The following ITGAV variants were observed in gnomAD, a reference collection of about 807,000 sequenced individuals.
ITGAV encodes integrin subunit alpha V.
In ITGAV, 76 loss-of-function variants were observed where a neutral mutation model predicts 143.8. That is an observed-to-expected ratio of 0.53 (90% CI 0.44 to 0.64). The LOEUF (loss-of-function observed/expected upper bound fraction) is 0.64. ITGAV is among the 30% of genes least tolerant of loss of function. ITGAV has a pLI of 0.00. For missense variants in ITGAV, 1,193 were observed against 1,274.7 expected, an observed-to-expected ratio of 0.94 and a Z score of 0.98; for synonymous variants, 453 against 446.7, an observed-to-expected ratio of 1.01 and a Z score of -0.18.
intron 11 of ITGAV, 101 bp from the exon 12 acceptor site, chr2:186,641,285 A>T: frequency 1.2e-6 from 1 of 849,610 alleles, no homozygotes; most frequent in Non-Finnish European, 1.9e-6. Context: ...TGTGGGTGTG[A>T]GAGATGCAGA....
In ITGAV at chr2:186,602,384, G is replaced by A. The variant is rs190816668; in HGVS notation, c.316+233G>A. 3.9e-5 allele frequency among the ~76,000 whole-genome samples: 6 copies of A among 152,214 alleles called. No individual in the cohort carries two copies. In the East Asian group the frequency reaches 5.8e-4, roughly 15 times the overall value. On this transcript the variant is annotated intron_variant, in intron 2 of 29. Coordinates refer to ENST00000261023, the MANE Select transcript of ITGAV (RefSeq NM_002210.5). The stretch of plus-strand genomic sequence containing the variant: ...TCCATTGGTTCAGATGTCTTCTGCC[G>A]TAAACTGATAATATCAACCCACAGA...
intron 14 of ITGAV, among the ~76,000 whole-genome samples, chr2:186,650,209 C>G (rs1260050385): frequency 6.6e-6 from 1 of 152,122 alleles, no homozygotes; most frequent in Non-Finnish European, 1.5e-5. Flanking sequence ...AGCCTCTCTT[C>G]TAGTTATTTT....
intron 2 of ITGAV, among the ~76,000 whole-genome samples, chr2:186,621,047 A>T (rs190433857): frequency 3.3e-5 from 5 of 152,194 alleles, no homozygotes; most frequent in Non-Finnish European, 7.4e-5. Context: ...TGGTATTTAG[A>T]TCTGTCTTTA....
chr2:186,642,748 T>C (rs1312927545), intron 12 of ITGAV, among the ~76,000 whole-genome samples: 1 of 151,926 alleles, frequency 6.6e-6, no homozygotes, highest in Non-Finnish European at 1.5e-5. Flanking sequence ...CAGGCTGGTC[T>C]CTAACTCCTG....
intron 26 of ITGAV, among the ~76,000 whole-genome samples, chr2:186,672,434 A>C (rs902841322): frequency 6.6e-6 from 1 of 152,254 alleles, no homozygotes; most frequent in African/African-American, 2.4e-5. Flanking sequence ...GAGAATAAAC[A>C]TAAGAGTGCA....
At chr2:186,595,279 AAGTT>A (rs1301892732) in intron 1 of ITGAV, among the ~76,000 whole-genome samples, 2 of 152,190 alleles carry the variant, frequency 1.3e-5, no homozygotes, top group East Asian at 3.9e-4. Context: ...GCAGACAAAC[AAGTT>A]AGTTTATTTG....
chr2:186,616,281 T>A (rs889112332), intron 2 of ITGAV, among the ~76,000 whole-genome samples: 25 of 141,538 alleles, frequency 1.8e-4, no homozygotes, highest in Admixed American at 2.8e-4. Context: ...TTATTTTTTT[T>A]TTTTTTTTTT....
At chr2:186,604,773 C>T (rs1687010891) in intron 2 of ITGAV, among the ~76,000 whole-genome samples, 1 of 152,154 alleles carries the variant, frequency 6.6e-6, no homozygotes, top group Admixed American at 6.5e-5. Context: ...TTCCTGTGAG[C>T]TACTTTTAGT....
chr2:186,629,742 A>G (rs538588712), intron 4 of ITGAV, among the ~76,000 whole-genome samples: 2 of 152,196 alleles, frequency 1.3e-5, no homozygotes, highest in East Asian at 3.9e-4. Context: ...TTTGGGTGGC[A>G]AACAAAGTAA....
intron 17 of ITGAV, among the ~76,000 whole-genome samples, chr2:186,657,480 AT>A (rs1222113911): frequency 6.6e-6 from 1 of 152,204 alleles, no homozygotes; most frequent in Non-Finnish European, 1.5e-5. Context: ...TGATTTTTAA[AT>A]AACTTATGGG....
intron 17 of ITGAV, among the ~76,000 whole-genome samples, chr2:186,658,207 A>G (rs945735786): frequency 6.6e-6 from 1 of 152,188 alleles, no homozygotes; most frequent in South Asian, 2.1e-4. Context: ...TTAAAGAAGA[A>G]ATATGTGACT....
intron 2 of ITGAV, among the ~76,000 whole-genome samples, chr2:186,615,485 T>G (rs1425599193): frequency 1.3e-5 from 2 of 152,254 alleles, no homozygotes; most frequent in African/African-American, 2.4e-5. Context: ...CTTTTTTATA[T>G]TATAATAACC....
At chr2:186,600,677 A>G (rs1686876730) in intron 1 of ITGAV, among the ~76,000 whole-genome samples, 1 of 146,220 alleles carries the variant, frequency 6.8e-6, no homozygotes, top group Admixed American at 7.0e-5. Context: ...AGCAGGAATC[A>G]GCCAAGCACA....
At position 186,590,396 on chromosome 2, in the gene ITGAV, C is replaced by T. The variant is rs767302238; in HGVS notation, c.58C>T (p.Leu20Phe). Residue 20 changes from leucine to phenylalanine, a missense_variant, in exon 1 of 30, where the codon CTC becomes TTC. Physicochemically the swap from Leu to Phe is conservative, Grantham distance 22. Transcript: ENST00000261023. ...RLGPRGLPLL[L>F]SGLLLPLCRA... ...CGGTCCCCGCGGCCTCCCGCTTCTTCTCTCGGGACTCCTGCTACCTCTGTG... is the reference window on the plus strand; with the variant it reads ...CGGTCCCCGCGGCCTCCCGCTTCTTTTCTCGGGACTCCTGCTACCTCTGTG... The T allele has an allele frequency of 2.0e-5, 32 of 1,605,738 alleles. No homozygotes were observed. The highest frequency in any genetic ancestry group is 2.5e-5 in the Non-Finnish European group (30 of 1,176,778).
At chr2:186,658,427 T>C (rs1007637112) in intron 17 of ITGAV, among the ~76,000 whole-genome samples, 1 of 152,090 alleles carries the variant, frequency 6.6e-6, no homozygotes, top group Admixed American at 6.5e-5. Context: ...GACTGGAAAA[T>C]AATGTGGTAC....
chr2:186,678,664 T>C lies in ITGAV; in HGVS notation c.*1372T>C, dbSNP rs1689277413. On this transcript the variant is annotated 3_prime_UTR_variant, in exon 30 of 30. Transcript: ENST00000261023. Reference sequence around the variant, plus strand: ...ATATGGCTCTGTAGAGTGGTGAACCTTCTAGAGGAATATATGATTTATTCA... The same window carrying C: ...ATATGGCTCTGTAGAGTGGTGAACCCTCTAGAGGAATATATGATTTATTCA... The C allele has an allele frequency of 2.2e-6, 1 of 453,438 alleles. No individual in the cohort carries two copies. The highest frequency in any genetic ancestry group is 2.4e-5 in the Admixed American group (1 of 42,314). The allele number at this position is 453,438 out of a possible 1,614,324, so 28.1% of individuals were successfully genotyped here.
intron 7 of ITGAV, among the ~76,000 whole-genome samples, chr2:186,636,631 GT>G (rs1687952355): frequency 6.6e-6 from 1 of 152,194 alleles, no homozygotes; most frequent in Non-Finnish European, 1.5e-5. Context: ...AATGGAGACA[GT>G]CTAACTCCTG....
intron 16 of ITGAV, 52 bp from the exon 17 acceptor site, chr2:186,656,195 A>C: frequency 7.4e-7 from 1 of 1,356,596 alleles, no homozygotes; most frequent in Non-Finnish European, 1.0e-6. Flanking sequence ...AGAGTAGGAT[A>C]GATAGATGTC....
intron 8 of ITGAV, among the ~76,000 whole-genome samples, 174 bp from the exon 9 acceptor site, chr2:186,638,102 AT>A (rs1687996353): frequency 6.6e-6 from 1 of 152,116 alleles, no homozygotes; most frequent in African/African-American, 2.4e-5. Flanking sequence ...GTAAATTTTG[AT>A]TTTATAGTTT....
Sources: allele counts gnomAD v4.1 joint callset (sites outside exome capture counted in the v4.1 genomes callset), GRCh38; gene constraint gnomAD v4.1.1; transcripts MANE v1.5; gene names NCBI Gene and HGNC (gene_info 2026-07-23, HGNC 2026-07-21).